Variants in EDEM1 observed in about 807,000 individuals in gnomAD.
EDEM1 encodes the protein ER degradation-enhancing alpha-mannosidase-like protein 1.
Under a neutral mutation model 74.4 loss-of-function variants are expected in EDEM1, and 67 were observed. The observed-to-expected ratio is 0.90, with a 90% CI of 0.74 to 1.10. The LOEUF (loss-of-function observed/expected upper bound fraction) is 1.10. Among genes scored for constraint, EDEM1 ranks in the 50% least tolerant of loss-of-function variants. The pLI is 0.00. For synonymous variants in EDEM1, 382 were observed against 335.9 expected (o/e 1.14, Z -1.50); for missense variants, 926 against 851.6 (o/e 1.09, Z -1.09).
intron 9 of EDEM1, 36 bp downstream of exon 9, chr3:5,210,284 C>T (rs2055152462): frequency 6.4e-7 from 1 of 1,565,824 alleles, no homozygotes; most frequent in Non-Finnish European, 8.8e-7. Context: ...TTCTGTCAGC[C>T]ACTTTTAATT....
chr3:5,213,084 G>A lies in EDEM1; in HGVS notation c.1681-235G>A, dbSNP rs143542809. On this transcript the variant is annotated intron_variant, in intron 10 of 11. Transcript: ENST00000256497. ...TTCTGAGTCTCTGCGTCTGGGCAGG[G>A]TATGTGTAGGGGAGAGGCAGGTCTG... is the stretch of plus-strand genomic sequence containing the variant. Among the ~76,000 whole-genome samples the A allele has an allele frequency of 1.4e-3, 211 of 152,328 alleles. 1 individual carries two copies. The highest frequency in any genetic ancestry group is 4.9e-3 in the African/African-American group (204 of 41,570).
chr3:5,206,281 C>T (rs2055095886), intron 6 of EDEM1, among the ~76,000 whole-genome samples: 1 of 151,036 alleles, frequency 6.6e-6, no homozygotes, highest in Non-Finnish European at 1.5e-5. Flanking sequence ...GATCTTGGCT[C>T]ACTGCAACCT....
intron 2 of EDEM1, among the ~76,000 whole-genome samples, chr3:5,195,672 A>G (rs1466118028): frequency 1.3e-5 from 2 of 152,238 alleles, no homozygotes; most frequent in Non-Finnish European, 2.9e-5. Context: ...TCATCTAGCC[A>G]CTGGCTCCCC....
chr3:5,202,870 T>C, intron 4 of EDEM1, 96 bp from the exon 5 acceptor site: 1 of 1,085,544 alleles, frequency 9.2e-7, no homozygotes, highest in Non-Finnish European at 1.3e-6. Context: ...CGTGGTAAGC[T>C]TGGTTTATTA....
intron 2 of EDEM1, among the ~76,000 whole-genome samples, chr3:5,198,070 A>T (rs2054991125): frequency 6.6e-6 from 1 of 151,802 alleles, no homozygotes. Flanking sequence ...TTTGAGACAG[A>T]GTCTTGCTGT....
intron 3 of EDEM1, among the ~76,000 whole-genome samples, chr3:5,201,191 T>C (rs1475840302): frequency 6.6e-6 from 1 of 152,002 alleles, no homozygotes; most frequent in Non-Finnish European, 1.5e-5. Context: ...AGGGTCCTGC[T>C]CTGTTACACA....
chr3:5,207,478 T>C (rs111529469), intron 7 of EDEM1, among the ~76,000 whole-genome samples: 5 of 152,306 alleles, frequency 3.3e-5, no homozygotes, highest in Admixed American at 1.3e-4. Context: ...AAAACCGTGC[T>C]TGAGAAGTGA....
At chr3:5,206,884 A>G (rs2055104286) in intron 6 of EDEM1, among the ~76,000 whole-genome samples, 1 of 152,210 alleles carries the variant, frequency 6.6e-6, no homozygotes, top group African/African-American at 2.4e-5. Flanking sequence ...TTAAACCCAA[A>G]GCTCAAAGTG....
rs760456724 is a variant in EDEM1, at chr3:5,203,136, T to TA, written c.1030dup (p.Thr344AsnfsTer31). On this transcript the variant is annotated frameshift_variant, in exon 5 of 12. Coordinates refer to ENST00000256497, the MANE Select transcript of EDEM1 (RefSeq NM_014674.3). LOFTEE classifies it high-confidence loss of function. ...CCCTTTGGAACCTCCGGAGCAATGA[T>TA]ACAGGATTACTAGGTGTGGCACCTT... is the stretch of plus-strand genomic sequence containing the variant. 1.2e-5 allele frequency: 19 copies of TA among 1,584,772 alleles called. No homozygotes were observed. The highest frequency in any genetic ancestry group is 1.5e-5 in the Non-Finnish European group (18 of 1,166,976).
At chr3:5,210,110 T>A in intron 8 of EDEM1, 65 bp from the exon 9 acceptor site, 1 of 1,426,200 alleles carries the variant, frequency 7.0e-7, no homozygotes, top group South Asian at 1.1e-5. Flanking sequence ...GCAGTCACCA[T>A]GATGTTTGTC....
In EDEM1 at chr3:5,205,238, G is replaced by T; in HGVS notation, c.1214G>T (p.Arg405Ile). The change falls in exon 6 of 12, where the codon AGA becomes ATA. Residue 405 changes from arginine (R) to isoleucine (I), a missense_variant. By Grantham distance (97) the Arg-to-Ile change is moderately conservative. Coordinates refer to ENST00000256497, the MANE Select transcript of EDEM1 (RefSeq NM_014674.3). Reference protein sequence around the residue: ...AYQSIQNYLRRGREACNEGEG... With the variant: ...AYQSIQNYLRIGREACNEGEG... ...CAGAGTATTCAGAACTACTTAAGAA[G>T]AGGGTATGTCTCCCTAACATCTCCT... is the stretch of plus-strand genomic sequence containing the variant. The T allele has an allele frequency of 6.2e-7, 1 of 1,613,314 alleles. No individual in the cohort carries two copies. The highest frequency in any genetic ancestry group is 2.2e-5 in the East Asian group (1 of 44,882).
rs2055226385 is a variant in EDEM1, at chr3:5,215,718, C to A, written c.1885-111C>A. ...CAGGCAGCTTCCACAACAGTTACTT[C>A]CAAACGTCAGTAGTTCACAGGCTGA... On this transcript the variant is annotated intron_variant, in intron 11 of 11. Transcript: ENST00000256497. 1.8e-5 allele frequency: 18 copies of A among 1,007,418 alleles called. 1 individual carries two copies. Among genetic ancestry groups the A allele is most frequent in the South Asian group, 1.3e-4 (10 of 74,882 alleles). 62.4% of individuals were successfully genotyped at this position (1,007,418 alleles called of 1,614,324 possible). A position where few individuals can be genotyped will look rare whatever the true frequency, so the allele number is the denominator to read the frequency against.
intron 1 of EDEM1, among the ~76,000 whole-genome samples, chr3:5,189,114 A>T (rs76190140): frequency 3.3e-5 from 5 of 152,318 alleles, no homozygotes; most frequent in Admixed American, 3.3e-4. Context: ...CACTGTTGAC[A>T]TCAAAGTCCA....
chr3:5,192,920 ATT>A (rs201219399), intron 1 of EDEM1, among the ~76,000 whole-genome samples: 51 of 143,798 alleles, frequency 3.5e-4, no homozygotes, highest in Middle Eastern at 3.7e-3. Context: ...ACTGCAAGTA[ATT>A]TTTTTTTTTT....
At chr3:5,196,005 T>C (rs989433913) in intron 2 of EDEM1, among the ~76,000 whole-genome samples, 1 of 152,274 alleles carries the variant, frequency 6.6e-6, no homozygotes, top group African/African-American at 2.4e-5. Flanking sequence ...AAAATCTTCT[T>C]AGTTAAGGTG....
At chr3:5,194,152 G>A (rs1043410880) in intron 1 of EDEM1, among the ~76,000 whole-genome samples, 5 of 152,250 alleles carry the variant, frequency 3.3e-5, no homozygotes, top group African/African-American at 1.2e-4. Flanking sequence ...AGGAGCAGAT[G>A]AAGTGCTTTG....
In EDEM1 at chr3:5,207,203, T is replaced by G; in HGVS notation, c.1268T>G (p.Val423Gly). ...GGAGACCCTCCACTCTATGTCAACG[T>G]GAACATGTTCAGTGGGCAGCTGATG... ...GEGDPPLYVN[V>G]NMFSGQLMNT... The change falls in exon 7 of 12, where the codon GTG (valine) becomes GGG (glycine). Residue 423 changes from valine to glycine, a missense_variant. Coordinates refer to ENST00000256497, the MANE Select transcript of EDEM1 (RefSeq NM_014674.3). The G allele has an allele frequency of 6.2e-7, 1 of 1,614,202 alleles. No individual in the cohort carries two copies. The highest frequency in any genetic ancestry group is 8.5e-7 in the Non-Finnish European group (1 of 1,180,032).
In EDEM1 at chr3:5,202,980, A is replaced by C. The variant is rs1324197020; in HGVS notation, c.873A>C (p.Thr291=). The C allele has an allele frequency of 5.6e-6, 9 of 1,613,508 alleles. No individual in the cohort carries two copies. Among genetic ancestry groups the C allele is most frequent in the Non-Finnish European group, 7.6e-6 (9 of 1,179,770 alleles). Residue 291 remains threonine (T), a synonymous_variant, in exon 5 of 12, where the codon ACA becomes ACC. Transcript: ENST00000256497. ...CCCATCCCCAGGTGAATCTAAAGAC[A>C]GGAGTTCCTCCTGACACCAATAATG... ...GIPYPRVNLK[T]GVPPDTNNET...
chr3:5,188,046 C>G lies in EDEM1; in HGVS notation c.241C>G (p.Gln81Glu). ...WLQPPGTGAA[Q>E]SPRKAPRRPG... ...GCAGCCGCCGGGGACCGGGGCAGCG[C>G]AGAGCCCGCGCAAGGCTCCGCGGCG... Residue 81 changes from glutamine to glutamate, a missense_variant, in exon 1 of 12, where the codon CAG (glutamine) becomes GAG (glutamate). Transcript: ENST00000256497. 1.4e-6 allele frequency: 2 copies of G among 1,438,206 alleles called. No individual in the cohort carries two copies. Among genetic ancestry groups the G allele is most frequent in the Non-Finnish European group, 1.8e-6 (2 of 1,098,884 alleles). 89.1% of individuals were successfully genotyped at this position (1,438,206 alleles called of 1,614,324 possible).
Sources: allele counts gnomAD v4.1 joint callset (sites outside exome capture counted in the v4.1 genomes callset), GRCh38; gene constraint gnomAD v4.1.1; transcripts MANE v1.5; gene names NCBI Gene and HGNC (gene_info 2026-07-23, HGNC 2026-07-21).